PIK3CD: variants seen among roughly 807,000 people sequenced by gnomAD.
PIK3CD encodes phosphatidylinositol 4,5-bisphosphate 3-kinase catalytic subunit delta isoform.
In PIK3CD, 20 loss-of-function variants were observed where a neutral mutation model predicts 122.9. The observed-to-expected ratio is 0.16, with a 90% confidence interval of 0.11 to 0.24. The LOEUF (loss-of-function observed/expected upper bound fraction) is 0.24. PIK3CD is among the 10% of genes least tolerant of loss of function. The probability of loss-of-function intolerance (pLI) is 1.00; values close to 1 mark genes in which losing one functional copy is unlikely to be tolerated. For synonymous variants in PIK3CD, 596 were observed against 593.4 expected (o/e 1.00, Z -0.06); for missense variants, 787 against 1,406.3 (o/e 0.56, Z 7.04).
intron 1 of PIK3CD, among the ~76,000 whole-genome samples, chr1:9,659,711 C>A (rs1318905336): frequency 6.6e-6 from 1 of 152,210 alleles, no homozygotes; most frequent in South Asian, 2.1e-4. Flanking sequence ...GAATTTCTTT[C>A]ATTTTTTAAG....
intron 1 of PIK3CD, among the ~76,000 whole-genome samples, chr1:9,664,669 C>T (rs555937859): frequency 6.6e-6 from 1 of 152,304 alleles, no homozygotes. Context: ...CTCGTTTGGT[C>T]AGGGAGAGTT....
rs1395490931 is a variant in PIK3CD, at chr1:9,652,056, C to T, written c.-138+254C>T. ...CCGGGGCCGTCCCCCGTGGGCCCGC[C>T]GAGAGGGGCGTGCGCAGCTCCCCGG... On this transcript the variant is annotated intron_variant, in intron 1 of 23. Transcript: ENST00000377346. The surrounding 1 kb of genome is among the most constrained non-coding windows in gnomAD (Gnocchi z 6.2). Among the ~76,000 whole-genome samples the T allele has an allele frequency of 6.6e-6, 1 of 151,834 alleles. No homozygotes were observed. Among genetic ancestry groups the T allele is most frequent in the African/African-American group, 2.4e-5 (1 of 41,376 alleles).
rs568910628 is a variant in PIK3CD, at chr1:9,717,934, C to T, written c.1020+308C>T. On this transcript the variant is annotated intron_variant, in intron 8 of 23. Coordinates refer to ENST00000377346, the MANE Select transcript of PIK3CD (RefSeq NM_005026.5). The surrounding 1 kb of genome is among the most constrained non-coding windows in gnomAD (Gnocchi z 5.4). The stretch of plus-strand genomic sequence containing the variant: ...GGGACCGCAGAGCTGGGGGAAGGGC[C>T]GGGCATGGAAGAGGGGCTGGGTCCA... Among the ~76,000 whole-genome samples the T allele has an allele frequency of 1.3e-5, 2 of 152,146 alleles. No individual in the cohort carries two copies. Among genetic ancestry groups the T allele is most frequent in the South Asian group, 2.1e-4 (1 of 4,826 alleles).
At chr1:9,691,398 G>A (rs1031034290) in intron 1 of PIK3CD, 69 bp from the exon 2 acceptor site, 20 of 396,728 alleles carry the variant, frequency 5.0e-5, no homozygotes, top group African/African-American at 3.5e-4. Context: ...GTAAGAGAAT[G>A]CACAGGTTTC....
At position 9,716,967 on chromosome 1, in the gene PIK3CD, C is replaced by T. The variant is rs1647581809; in HGVS notation, c.789C>T (p.Cys263=). ...SYPLCQFQYI[C]SCLHSGLTPH... ...CCTGCACCCCGTCTCAGTACATCTGCAGCTGCCTGCACAGTGGGTTGACCC... is the reference window on the plus strand; with the variant it reads ...CCTGCACCCCGTCTCAGTACATCTGTAGCTGCCTGCACAGTGGGTTGACCC... The change falls in exon 7 of 24, where the codon TGC becomes TGT. Residue 263 remains cysteine (C), a synonymous_variant. Coordinates refer to ENST00000377346, the MANE Select transcript of PIK3CD (RefSeq NM_005026.5). The T allele has an allele frequency of 6.2e-7, 1 of 1,613,718 alleles. No individual in the cohort carries two copies. Among genetic ancestry groups the T allele is most frequent in the African/African-American group, 1.3e-5 (1 of 74,938 alleles).
Position 9,689,570 on chromosome 1 carries a change from A to ACCTCGCGCGGCGGGCCTGCC in PIK3CD, c.-137-1895_-137-1876dup, listed in dbSNP as rs1646114588. 7.0e-6 allele frequency among the ~76,000 whole-genome samples: 1 copy of ACCTCGCGCGGCGGGCCTGCC among 142,972 alleles called. No homozygotes were observed. Among genetic ancestry groups the ACCTCGCGCGGCGGGCCTGCC allele is most frequent in the African/African-American group, 2.6e-5 (1 of 38,224 alleles). 93.8% of individuals were successfully genotyped at this position (142,972 alleles called of 152,430 possible). A position where few individuals can be genotyped will look rare whatever the true frequency, so the allele number is the denominator to read the frequency against. On this transcript the variant is annotated intron_variant, in intron 1 of 23. Coordinates refer to ENST00000377346, the MANE Select transcript of PIK3CD (RefSeq NM_005026.5). The surrounding 1 kb of genome is among the most constrained non-coding windows in gnomAD (Gnocchi z 6.1). ...CCTCCGCCGAGCCCCGCTTGCCTGC[A>ACCTCGCGCGGCGGGCCTGCC]CCTCGCGCGGCGGGCCTGCCCTCCG... is the stretch of plus-strand genomic sequence containing the variant.
chr1:9,711,671 C>T (rs1647057401), intron 3 of PIK3CD, among the ~76,000 whole-genome samples: 1 of 151,910 alleles, frequency 6.6e-6, no homozygotes, highest in Non-Finnish European at 1.5e-5. Flanking sequence ...TCTCCCCAGG[C>T]TTAGGTGAGC....
chr1:9,659,767 T>C (rs146460091), intron 1 of PIK3CD, among the ~76,000 whole-genome samples: 18 of 152,308 alleles, frequency 1.2e-4, no homozygotes, highest in African/African-American at 4.3e-4. Context: ...TTTCTTTTTT[T>C]GAGACAGTGT....
intron 1 of PIK3CD, among the ~76,000 whole-genome samples, chr1:9,674,712 A>G (rs1645450080): frequency 6.7e-6 from 1 of 149,016 alleles, no homozygotes; most frequent in Non-Finnish European, 1.5e-5. Context: ...AAAAAAAAAG[A>G]AACAAAAAGA....
chr1:9,639,009 T>A, the PIK3CD span, among the ~76,000 whole-genome samples: 1 of 152,032 alleles, frequency 6.6e-6, no homozygotes, highest in South Asian at 2.1e-4. Context: ...TCAAGCCATC[T>A]GCCCACCTTG....
intron 1 of PIK3CD, among the ~76,000 whole-genome samples, chr1:9,669,749 C>G (rs74340023): frequency 0.019 from 2,950 of 152,228 alleles, 53 homozygotes; most frequent in Non-Finnish European, 0.031. Context: ...TACTGCTGAC[C>G]TGCTGTTGAG....
chr1:9,670,270 G>A (rs1645284929), intron 1 of PIK3CD, among the ~76,000 whole-genome samples: 1 of 152,036 alleles, frequency 6.6e-6, no homozygotes, highest in Admixed American at 6.6e-5. Flanking sequence ...ACCAGGTCAT[G>A]AATCTTTTTT....
In PIK3CD at chr1:9,719,237, G is replaced by A. The variant is rs868291065; in HGVS notation, c.1242+322G>A. Among the ~76,000 whole-genome samples, 4 of 152,238 alleles carry A rather than the reference G, an allele frequency of 2.6e-5. No individual in the cohort carries two copies. Among genetic ancestry groups the A allele is most frequent in the East Asian group, 3.8e-4 (2 of 5,196 alleles). Reference sequence around the variant, plus strand: ...CTGGAGCAGAAAAGCCTGAGTCAGCGGCTGGCCGGGAGGCGTAGTGGCTGG... The same window carrying A: ...CTGGAGCAGAAAAGCCTGAGTCAGCAGCTGGCCGGGAGGCGTAGTGGCTGG... On this transcript the variant is annotated intron_variant, in intron 9 of 23. Coordinates refer to ENST00000377346, the MANE Select transcript of PIK3CD (RefSeq NM_005026.5). This position sits in a 1 kb window ranked among gnomAD's most constrained non-coding sequence, Gnocchi z 5.5.
intron 2 of PIK3CD, among the ~76,000 whole-genome samples, chr1:9,699,351 A>G (rs988277513): frequency 9.2e-5 from 14 of 151,990 alleles, no homozygotes; most frequent in African/African-American, 3.4e-4. Context: ...TTGCTTTCCT[A>G]CTTCCATTCT....
intron 2 of PIK3CD, among the ~76,000 whole-genome samples, chr1:9,708,411 G>A (rs887379557): frequency 1.1e-4 from 16 of 151,928 alleles, no homozygotes; most frequent in African/African-American, 3.6e-4. Flanking sequence ...CGAACTCCTG[G>A]CCTCAAGTCA....
chr1:9,645,104 C>T, the PIK3CD span, among the ~76,000 whole-genome samples: 1 of 149,900 alleles, frequency 6.7e-6, no homozygotes, highest in Non-Finnish European at 1.5e-5. Flanking sequence ...CGGCTCACTG[C>T]CACCTCCGCC....
rs761349863 is a variant in PIK3CD at position 9,710,568 on chromosome 1, G to C, written c.113G>C (p.Arg38Pro). 6.2e-7 allele frequency: 1 copy of C among 1,613,826 alleles called. No homozygotes were observed. The highest frequency in any genetic ancestry group is 1.1e-5 in the South Asian group (1 of 91,066). The change falls in exon 3 of 24, where the codon CGC becomes CCC. Residue 38 changes from arginine to proline, a missense_variant. Arg to Pro is a moderately radical substitution (Grantham distance 103, BLOSUM62 -2). This residue lies in a region of PIK3CD where 592 missense variants were observed against 920.6 expected (regional missense o/e 0.64). Transcript: ENST00000377346. This position sits in a 1 kb window ranked among gnomAD's most constrained non-coding sequence, Gnocchi z 4.7. ...TGVYLNFPVS[R>P]NANLSTIKQL... ...GTCTACCTGAACTTCCCTGTGTCCCGCAATGCCAACCTCAGCACCATCAAG... is the reference window on the plus strand; with the variant it reads ...GTCTACCTGAACTTCCCTGTGTCCCCCAATGCCAACCTCAGCACCATCAAG...
At chr1:9,659,100 T>G (rs375429605) in intron 1 of PIK3CD, among the ~76,000 whole-genome samples, 7 of 152,218 alleles carry the variant, frequency 4.6e-5, no homozygotes, top group Middle Eastern at 3.4e-3. Flanking sequence ...GCATTTTAAC[T>G]TAGTTGTAAT....
At chr1:9,679,018 C>T (rs779368167) in intron 1 of PIK3CD, among the ~76,000 whole-genome samples, 5 of 149,292 alleles carry the variant, frequency 3.3e-5, no homozygotes, top group East Asian at 2.0e-4. Flanking sequence ...AGCATGCCTG[C>T]GAGAGCTGGG....
Sources: allele counts gnomAD v4.1 joint callset (sites outside exome capture counted in the v4.1 genomes callset), GRCh38; gene constraint gnomAD v4.1.1; regional missense constraint gnomAD v4.1.1; non-coding constraint Gnocchi (gnomAD v3.1); transcripts MANE v1.5; gene names NCBI Gene and HGNC (gene_info 2026-07-23, HGNC 2026-07-21).